The following GRID2 variants were observed in gnomAD, a reference collection of about 807,000 sequenced individuals.
GRID2 encodes the protein glutamate receptor ionotropic, delta-2.
A neutral mutation model predicts 114.8 loss-of-function variants in GRID2; 33 were observed. That is an observed-to-expected ratio of 0.29 (90% CI 0.22 to 0.38). GRID2 has a LOEUF of 0.38. GRID2 is among the 10% of genes least tolerant of loss of function. The pLI is 1.00. For missense variants in GRID2, 1,184 were observed against 1,257.7 expected (o/e 0.94, Z 0.89); for synonymous variants, 505 against 449.9 (o/e 1.12, Z -1.55).
At chr4:93,169,619 GAGA>G (rs1169878837) in intron 4 of GRID2, among the ~76,000 whole-genome samples, 1 of 152,164 alleles carries the variant, frequency 6.6e-6, no homozygotes, top group Non-Finnish European at 1.5e-5. Flanking sequence ...CACAGAAATA[GAGA>G]AGGAGTTATT....
intron 2 of GRID2, among the ~76,000 whole-genome samples, chr4:92,595,308 T>C (rs183545417): frequency 6.6e-6 from 1 of 152,004 alleles, no homozygotes; most frequent in Non-Finnish European, 1.5e-5. Context: ...TTTTGAAATA[T>C]AAAAATTTGA....
intron 2 of GRID2, among the ~76,000 whole-genome samples, chr4:92,666,564 T>C (rs1316383997): frequency 6.6e-6 from 1 of 151,372 alleles, no homozygotes; most frequent in Non-Finnish European, 1.5e-5. Flanking sequence ...GATATGCTGC[T>C]TTTATTTTGA....
At chr4:92,886,385 A>G (rs976234304) in intron 2 of GRID2, among the ~76,000 whole-genome samples, 4 of 152,138 alleles carry the variant, frequency 2.6e-5, no homozygotes, top group African/African-American at 9.7e-5. Context: ...GAGATGCTGG[A>G]AAAATGGGCA....
chr4:93,479,728 A>G (rs1275883749), intron 11 of GRID2, among the ~76,000 whole-genome samples: 5 of 151,992 alleles, frequency 3.3e-5, no homozygotes. Context: ...TTTTTGTTCT[A>G]TCTGGGCCGC....
At chr4:92,801,592 C>G (rs1177276822) in intron 2 of GRID2, among the ~76,000 whole-genome samples, 1 of 151,788 alleles carries the variant, frequency 6.6e-6, no homozygotes, top group East Asian at 1.9e-4. Context: ...AAATTGATTA[C>G]TTCACTTAAG....
At chr4:92,646,767 G>C (rs1361368588) in intron 2 of GRID2, among the ~76,000 whole-genome samples, 3 of 152,148 alleles carry the variant, frequency 2.0e-5, no homozygotes, top group African/African-American at 7.2e-5. Flanking sequence ...TTTTAAAATT[G>C]CACCCATTTT....
intron 2 of GRID2, among the ~76,000 whole-genome samples, chr4:92,708,667 G>T (rs748808462): frequency 1.1e-4 from 16 of 152,106 alleles, no homozygotes; most frequent in Non-Finnish European, 2.1e-4. Flanking sequence ...ATTTTCAGTT[G>T]AATACTTGGA....
chr4:92,886,212 C>T (rs749476349), intron 2 of GRID2, among the ~76,000 whole-genome samples: 19 of 152,070 alleles, frequency 1.2e-4, no homozygotes, highest in Non-Finnish European at 1.9e-4. Flanking sequence ...ATTTATTAGT[C>T]AATTTTGCCA....
At chr4:92,691,578 A>C (rs1734185299) in intron 2 of GRID2, among the ~76,000 whole-genome samples, 1 of 152,230 alleles carries the variant, frequency 6.6e-6, no homozygotes, top group Non-Finnish European at 1.5e-5. Context: ...TTTGCCCTGT[A>C]TCAATATATT....
intron 2 of GRID2, among the ~76,000 whole-genome samples, chr4:92,618,848 G>T (rs1391318149): frequency 1.3e-5 from 2 of 151,686 alleles, no homozygotes; most frequent in East Asian, 3.9e-4. Context: ...TCTGTGTACA[G>T]AAAGACTACT....
chr4:93,627,579 G>C (rs898272936), intron 14 of GRID2, among the ~76,000 whole-genome samples: 1 of 152,186 alleles, frequency 6.6e-6, no homozygotes, highest in Non-Finnish European at 1.5e-5. Context: ...CATGAAACAA[G>C]GCTGTAATTT....
At chr4:93,425,069 C>G (rs1321970110) in intron 10 of GRID2, among the ~76,000 whole-genome samples, 2 of 151,940 alleles carry the variant, frequency 1.3e-5, no homozygotes, top group Non-Finnish European at 2.9e-5. Context: ...TTATGACTTT[C>G]TTTTCTTAAA....
intron 2 of GRID2, among the ~76,000 whole-genome samples, chr4:92,739,935 A>AT (rs1265729301): frequency 6.6e-6 from 1 of 152,024 alleles, no homozygotes; most frequent in Admixed American, 6.6e-5. Context: ...CTTCCATAAT[A>AT]TTTTTTCTGA....
chr4:92,696,038 T>A (rs1194418981), intron 2 of GRID2, among the ~76,000 whole-genome samples: 1 of 152,170 alleles, frequency 6.6e-6, no homozygotes, highest in African/African-American at 2.4e-5. Context: ...ACTGTTTTTG[T>A]TATTAGTTCT....
intron 2 of GRID2, among the ~76,000 whole-genome samples, chr4:92,948,233 T>A (rs754377723): frequency 2.0e-4 from 31 of 151,926 alleles, no homozygotes; most frequent in Non-Finnish European, 4.0e-4. Flanking sequence ...ATATGTTATA[T>A]AGTTTTAATC....
chr4:92,490,862 G>T (rs1207942905), intron 1 of GRID2, among the ~76,000 whole-genome samples: 2 of 152,022 alleles, frequency 1.3e-5, no homozygotes, highest in Non-Finnish European at 2.9e-5. Flanking sequence ...ACCAACAAAT[G>T]ATGCCTGTTT....
In GRID2 at chr4:93,647,954, GC is replaced by G. The variant is rs1358286987; in HGVS notation, c.2360+21520del. 9.2e-5 allele frequency among the ~76,000 whole-genome samples: 14 copies of G among 152,292 alleles called. No homozygotes were observed. The East Asian group carries it at 2.7e-3, about 29-fold the overall frequency. On this transcript the variant is annotated intron_variant, in intron 14 of 15. Transcript: ENST00000282020. Reference sequence around the variant, plus strand: ...GTCCTTATAACACCCCAGAAGAGCTGCTATTATCGTTTCATTTTATAGTCAA... The same window carrying G: ...GTCCTTATAACACCCCAGAAGAGCTGTATTATCGTTTCATTTTATAGTCAA...
At chr4:93,322,568 G>T (rs1757352607) in intron 8 of GRID2, among the ~76,000 whole-genome samples, 2 of 152,128 alleles carry the variant, frequency 1.3e-5, no homozygotes, top group Admixed American at 1.3e-4. Flanking sequence ...ACCCAGTAAT[G>T]GGATGGCTGG....
At chr4:92,453,732 A>C (rs1721066963) in intron 1 of GRID2, among the ~76,000 whole-genome samples, 1 of 152,140 alleles carries the variant, frequency 6.6e-6, no homozygotes, top group African/African-American at 2.4e-5. Context: ...CCAGAAATTA[A>C]ATTTTACGGC....
Sources: allele counts gnomAD v4.1 joint callset (sites outside exome capture counted in the v4.1 genomes callset), GRCh38; gene constraint gnomAD v4.1.1; transcripts MANE v1.5; gene names NCBI Gene and HGNC (gene_info 2026-07-23, HGNC 2026-07-21).